Variants in PAXIP1 observed in about 807,000 individuals in gnomAD.
PAXIP1 encodes PAX interacting protein 1, also known as PAX-interacting protein 1.
A neutral mutation model predicts 140.6 loss-of-function variants in PAXIP1; 19 were observed. That is an observed-to-expected ratio of 0.14 (90% CI 0.09 to 0.20). PAXIP1 has a LOEUF of 0.20. Ranked by LOEUF, PAXIP1 falls within the 10% of genes least tolerant of loss-of-function variation. The probability of loss-of-function intolerance (pLI) is 1.00; values close to 1 mark genes in which losing one functional copy is unlikely to be tolerated. For synonymous variants in PAXIP1, 442 were observed against 444.6 expected, an observed-to-expected ratio of 0.99 and a Z score of 0.07; for missense variants, 920 against 1,208.6, an observed-to-expected ratio of 0.76 and a Z score of 3.54.
intron 5 of PAXIP1, among the ~76,000 whole-genome samples, chr7:154,979,523 ATAATT>A (rs1373664258): frequency 6.6e-6 from 1 of 152,128 alleles, no homozygotes; most frequent in Admixed American, 6.5e-5. Context: ...ATAAAATACA[ATAATT>A]TAAAGGAATG....
chr7:154,982,552 T>C (rs1809891927), intron 5 of PAXIP1, among the ~76,000 whole-genome samples: 1 of 152,228 alleles, frequency 6.6e-6, no homozygotes, highest in Non-Finnish European at 1.5e-5. Context: ...GGTTTCTCCA[T>C]GTTGGTCAGG....
chr7:154,995,529 T>C (rs147988928), intron 2 of PAXIP1, among the ~76,000 whole-genome samples: 55 of 152,308 alleles, frequency 3.6e-4, no homozygotes, highest in African/African-American at 1.3e-3. Flanking sequence ...TAAGGAACTA[T>C]TTATCCTAAA....
intron 5 of PAXIP1, among the ~76,000 whole-genome samples, chr7:154,979,306 T>A (rs3844197): frequency 1.3e-5 from 2 of 152,100 alleles, no homozygotes; most frequent in Admixed American, 6.5e-5. Flanking sequence ...ACTTTTAAAC[T>A]TCAAGAGTAT....
chr7:154,958,640 T>C (rs997565401), intron 13 of PAXIP1, among the ~76,000 whole-genome samples: 1 of 152,182 alleles, frequency 6.6e-6, no homozygotes, highest in Non-Finnish European at 1.5e-5. Flanking sequence ...TTGTCATTCA[T>C]TGGTACCAAG....
chr7:154,975,168 A>C (rs546944033), intron 6 of PAXIP1, among the ~76,000 whole-genome samples: 51 of 151,766 alleles, frequency 3.4e-4, no homozygotes, highest in East Asian at 1.4e-3. Flanking sequence ...AAAAAAAAAA[A>C]AAAAACAAAA....
In PAXIP1 at chr7:154,986,981, G is replaced by T. The variant is rs1810102731; in HGVS notation, c.325-3649C>A. Among the ~76,000 whole-genome samples, 2 of 152,140 alleles carry T rather than the reference G, an allele frequency of 1.3e-5. No homozygotes were observed. The highest frequency in any genetic ancestry group is 2.9e-5 in the Non-Finnish European group (2 of 68,022). ...TAAGTTTAGCACCAAGGTAAAATTG[G>T]ACCTTTCACCTGACAGTGGGTGAGC... is the stretch of plus-strand genomic sequence containing the variant. On this transcript the variant is annotated intron_variant, in intron 4 of 20. Transcript: ENST00000404141. This position sits in a 1 kb window ranked among gnomAD's most constrained non-coding sequence, Gnocchi z 4.8.
chr7:154,967,027 A>G (rs1225959616), intron 8 of PAXIP1, among the ~76,000 whole-genome samples: 1 of 152,202 alleles, frequency 6.6e-6, no homozygotes, highest in Non-Finnish European at 1.5e-5. Context: ...CTCTCCCAGC[A>G]GACTTTTCTT....
At chr7:154,985,061 T>G (rs899721773) in intron 4 of PAXIP1, among the ~76,000 whole-genome samples, 1 of 152,198 alleles carries the variant, frequency 6.6e-6, no homozygotes, top group African/African-American at 2.4e-5. Context: ...TTCACTGATG[T>G]ACGTTTGGAT....
In PAXIP1 at chr7:154,960,894, T is replaced by C. The variant is rs1234313410; in HGVS notation, c.2433A>G (p.Leu811=). ...APTQHLVLNL[L]DAWRVPLKVS... ...TGCAGCATGTAGAATTTCACTTACCTAAAAGATTTAAAACTAAATGCTGGG... is the reference window on the plus strand; with the variant it reads ...TGCAGCATGTAGAATTTCACTTACCCAAAAGATTTAAAACTAAATGCTGGG... Residue 811 remains leucine, a splice_region_variant and synonymous_variant, in exon 12 of 21, where the codon TTA becomes TTG. Transcript: ENST00000404141. The C allele has an allele frequency of 1.3e-6, 2 of 1,563,386 alleles. No homozygotes were observed. Among genetic ancestry groups the C allele is most frequent in the Admixed American group, 4.0e-5 (2 of 49,870 alleles).
chr7:154,991,127 T>A, intron 3 of PAXIP1, 58 bp from the exon 4 acceptor site: 2 of 837,520 alleles, frequency 2.4e-6, no homozygotes, highest in Admixed American at 5.7e-5. Context: ...TGTACTTCAC[T>A]AACAGACATT....
At chr7:155,002,766 G>T in intron 1 of PAXIP1, 83 bp downstream of exon 1, 1 of 733,394 alleles carries the variant, frequency 1.4e-6, no homozygotes, top group Non-Finnish European at 1.8e-6. Flanking sequence ...CGCGCCCGCG[G>T]CAGGAGCGGG....
intron 3 of PAXIP1, among the ~76,000 whole-genome samples, chr7:154,993,423 T>C (rs1810438148): frequency 6.6e-6 from 1 of 152,214 alleles, no homozygotes; most frequent in African/African-American, 2.4e-5. Flanking sequence ...CACATAGACT[T>C]AGAATTTTAG....
chr7:154,995,579 A>G (rs558473789), intron 2 of PAXIP1, among the ~76,000 whole-genome samples: 25 of 152,370 alleles, frequency 1.6e-4, no homozygotes, highest in Admixed American at 6.5e-4. Flanking sequence ...GCTGATCGCG[A>G]TGGCTCATGC....
chr7:154,979,027 C>T lies in PAXIP1; in HGVS notation c.439-2696G>A, dbSNP rs10238158. Among the ~76,000 whole-genome samples, 1,431 of 152,274 alleles carry T rather than the reference C, an allele frequency of 9.4e-3. 24 individuals are homozygous for T. Among genetic ancestry groups the T allele is most frequent in the African/African-American group, 0.031 (1,291 of 41,556 alleles). ...ACTATATTTCACTCAAGTTTTCTCT[C>T]GCTTTTCACAAGATAGGTAGTTTTT... is the stretch of plus-strand genomic sequence containing the variant. On this transcript the variant is annotated intron_variant, in intron 5 of 20. Coordinates refer to ENST00000404141, the MANE Select transcript of PAXIP1 (RefSeq NM_007349.4).
Position 154,960,973 on chromosome 7 carries a change from T to G in PAXIP1, c.2354A>C (p.Gln785Pro), listed in dbSNP as rs201550723. ...ILLGNFEALR[Q>P]IQYSRYTAFS... is the part of the protein sequence containing the mutation. ...TGCCGTGTAGCGACTATACTGAATC[T>G]GCCTCAGTGCCTCAAAGTTTCCCAG... Residue 785 changes from glutamine (Q) to proline (P), a missense_variant, in exon 12 of 21, where the codon CAG becomes CCG. Physicochemically the swap from Gln to Pro is moderately conservative, Grantham distance 76. Around this residue, in one of 5 missense-constraint regions of PAXIP1, gnomAD observed 303 missense variants for 517.9 expected, o/e 0.59. Coordinates refer to ENST00000404141, the MANE Select transcript of PAXIP1 (RefSeq NM_007349.4). The G allele has an allele frequency of 2.7e-5, 44 of 1,602,782 alleles. No individual in the cohort carries two copies. Among genetic ancestry groups the G allele is most frequent in the Middle Eastern group, 1.7e-4 (1 of 6,058 alleles).
intron 6 of PAXIP1, chr7:154,974,634 C>T (rs1809482515): frequency 6.6e-6 from 1 of 152,196 alleles, no homozygotes; most frequent in Non-Finnish European, 1.5e-5. Context: ...TAGCCTCCTT[C>T]CCTTCACCTG....
At chr7:155,002,733 G>A (rs946816314) in intron 1 of PAXIP1, 116 bp downstream of exon 1, 12 of 489,956 alleles carry the variant, frequency 2.4e-5, no homozygotes, top group Admixed American at 1.7e-4. Flanking sequence ...GGCCTCGGCG[G>A]ACCCGACGCT....
At chr7:154,965,554 C>A (rs1808970977) in intron 8 of PAXIP1, 1 of 152,274 alleles carries the variant, frequency 6.6e-6, no homozygotes, top group Admixed American at 6.5e-5. Flanking sequence ...TAAGACCAGC[C>A]CCTCCTGTCC....
At chr7:154,969,671 C>T (rs1048617157) in intron 6 of PAXIP1, among the ~76,000 whole-genome samples, 3 of 152,224 alleles carry the variant, frequency 2.0e-5, no homozygotes, top group Non-Finnish European at 4.4e-5. Context: ...GTCTAGTAAA[C>T]AAAGGTTCTC....
Sources: gnomAD v4.1 joint callset for allele counts (sites outside exome capture counted in the v4.1 genomes callset) on GRCh38, gnomAD v4.1.1 for gene constraint, gnomAD v4.1.1 regional missense constraint, Gnocchi (gnomAD v3.1) non-coding constraint, MANE v1.5 for transcripts, NCBI Gene and HGNC (gene_info 2026-07-23, HGNC 2026-07-21) for gene names.